The following CADM2 variants were observed in gnomAD, a reference collection of about 807,000 sequenced individuals.
The protein encoded by CADM2 is cell adhesion molecule 2, also known as immunoglobulin superfamily member 4D.
A neutral mutation model predicts 49.8 loss-of-function variants in CADM2; 12 were observed. The observed-to-expected ratio is 0.24, with a 90% CI of 0.15 to 0.39. The LOEUF (loss-of-function observed/expected upper bound fraction) is 0.39. Ranked by LOEUF, CADM2 falls within the 10% of genes least tolerant of loss-of-function variation. The probability of loss-of-function intolerance (pLI) is 1.00; values close to 1 mark genes in which losing one functional copy is unlikely to be tolerated. For missense variants in CADM2, 378 were observed against 492.3 expected (o/e 0.77, Z 2.20); for synonymous variants, 214 against 175.4 (o/e 1.22, Z -1.74).
At chr3:85,659,337 G>T (rs544732503) in intron 1 of CADM2, among the ~76,000 whole-genome samples, 40 of 151,434 alleles carry the variant, frequency 2.6e-4, no homozygotes, top group African/African-American at 9.7e-4. Context: ...TGATACATTG[G>T]GTAACAACTA....
chr3:85,097,856 T>C (rs2037861083), intron 1 of CADM2, among the ~76,000 whole-genome samples: 1 of 152,202 alleles, frequency 6.6e-6, no homozygotes, highest in East Asian at 1.9e-4. Flanking sequence ...CATAAGCCCC[T>C]ACATAGTAGT....
At chr3:85,232,891 G>T (rs2042326725) in intron 1 of CADM2, among the ~76,000 whole-genome samples, 1 of 152,112 alleles carries the variant, frequency 6.6e-6, no homozygotes, top group Admixed American at 6.6e-5. Flanking sequence ...CACACATGCA[G>T]ATATTTACTT....
intron 3 of CADM2, among the ~76,000 whole-genome samples, chr3:85,832,455 A>T (rs2074225511): frequency 6.6e-6 from 1 of 151,930 alleles, no homozygotes; most frequent in Non-Finnish European, 1.5e-5. Flanking sequence ...TGAGCATGGG[A>T]TGCTTTTCAT....
chr3:86,062,119 G>A (rs1196589851), intron 8 of CADM2, among the ~76,000 whole-genome samples: 1 of 152,098 alleles, frequency 6.6e-6, no homozygotes, highest in African/African-American at 2.4e-5. Context: ...AAAGACAGGT[G>A]CAGAGATGTA....
intron 1 of CADM2, among the ~76,000 whole-genome samples, chr3:85,058,359 T>C (rs1245008371): frequency 1.3e-4 from 20 of 152,190 alleles, no homozygotes. Flanking sequence ...ATATCTACTT[T>C]TGAGTGCACA....
chr3:85,166,039 C>A (rs895347057), intron 1 of CADM2, among the ~76,000 whole-genome samples: 1 of 151,556 alleles, frequency 6.6e-6, no homozygotes, highest in African/African-American at 2.4e-5. Context: ...ATTAACCCAA[C>A]ATGTAGTTCT....
intron 1 of CADM2, among the ~76,000 whole-genome samples, chr3:85,129,820 A>G (rs58051057): frequency 0.061 from 9,256 of 152,294 alleles, 940 homozygotes; most frequent in African/African-American, 0.21. Context: ...AAAAGCTAGT[A>G]TGTATACATA....
intron 1 of CADM2, among the ~76,000 whole-genome samples, chr3:85,403,422 G>A (rs1049102014): frequency 3.9e-5 from 6 of 152,120 alleles, no homozygotes; most frequent in South Asian, 2.1e-4. Flanking sequence ...AATTAATACC[G>A]TATGCTTGTA....
At chr3:85,224,778 A>G (rs1386464718) in intron 1 of CADM2, among the ~76,000 whole-genome samples, 1 of 152,162 alleles carries the variant, frequency 6.6e-6, no homozygotes, top group Non-Finnish European at 1.5e-5. Flanking sequence ...TAATTTTTGT[A>G]TAAGGTGTAA....
intron 5 of CADM2, 124 bp downstream of exon 5, chr3:85,886,451 C>T: frequency 3.1e-6 from 2 of 636,122 alleles, no homozygotes; most frequent in Non-Finnish European, 5.3e-6. Context: ...ATCATTTGAA[C>T]CAGATTTACC....
chr3:85,642,512 C>T (rs1240469238), intron 1 of CADM2, among the ~76,000 whole-genome samples: 1 of 151,960 alleles, frequency 6.6e-6, no homozygotes, highest in East Asian at 1.9e-4. Flanking sequence ...AAGCTGTTGT[C>T]ACTTTTCATT....
At chr3:85,700,532 C>G (rs543009105) in intron 1 of CADM2, among the ~76,000 whole-genome samples, 74 of 152,212 alleles carry the variant, frequency 4.9e-4, no homozygotes, top group African/African-American at 1.7e-3. Flanking sequence ...TTTCTTTGCT[C>G]ATACATATGA....
At chr3:86,057,636 G>C (rs1234747679) in intron 8 of CADM2, among the ~76,000 whole-genome samples, 1 of 152,136 alleles carries the variant, frequency 6.6e-6, no homozygotes, top group East Asian at 1.9e-4. Context: ...TTTGGGGGAA[G>C]ATAAAACTTA....
chr3:85,668,585 A>G (rs1231899720), intron 1 of CADM2, among the ~76,000 whole-genome samples: 1 of 152,010 alleles, frequency 6.6e-6, no homozygotes, highest in Non-Finnish European at 1.5e-5. Context: ...AGGAGATCTG[A>G]TAGTTTTAAA....
intron 1 of CADM2, among the ~76,000 whole-genome samples, chr3:85,418,890 CT>C (rs1361506949): frequency 6.6e-6 from 1 of 151,950 alleles, no homozygotes; most frequent in Non-Finnish European, 1.5e-5. Flanking sequence ...ATTTATCCAT[CT>C]ATACTTTTTC....
intron 1 of CADM2, among the ~76,000 whole-genome samples, chr3:85,257,916 A>G (rs1323078369): frequency 6.6e-6 from 1 of 152,164 alleles, no homozygotes; most frequent in African/African-American, 2.4e-5. Context: ...AATATTTCAC[A>G]TCATAACCTG....
chr3:85,544,524 C>A (rs191798612), intron 1 of CADM2, among the ~76,000 whole-genome samples: 1 of 151,962 alleles, frequency 6.6e-6, no homozygotes, highest in African/African-American at 2.4e-5. Flanking sequence ...TTGCAGTGAA[C>A]GGAGATCGCG....
intron 2 of CADM2, among the ~76,000 whole-genome samples, chr3:85,785,518 T>G (rs2070930319): frequency 6.6e-6 from 1 of 152,082 alleles, no homozygotes; most frequent in Admixed American, 6.6e-5. Flanking sequence ...AGTAGCACAA[T>G]TCTAGGTTTC....
intron 5 of CADM2, among the ~76,000 whole-genome samples, chr3:85,899,328 T>G (rs960292459): frequency 1.3e-5 from 2 of 152,116 alleles, no homozygotes; most frequent in East Asian, 1.9e-4. Flanking sequence ...GAAATTTTTA[T>G]CTAACGCAAG....
Sources: gnomAD v4.1 joint callset for allele counts (sites outside exome capture counted in the v4.1 genomes callset) on GRCh38, gnomAD v4.1.1 for gene constraint, MANE v1.5 for transcripts, NCBI Gene and HGNC (gene_info 2026-07-23, HGNC 2026-07-21) for gene names.